The following WDR27 variants were observed in gnomAD, a reference collection of about 807,000 sequenced individuals.
WDR27 encodes WD repeat-containing protein 27.
Under a neutral mutation model 114.4 loss-of-function variants are expected in WDR27, and 100 were observed. The ratio of observed to expected loss-of-function variants is 0.87; its 90% confidence interval spans 0.74 to 1.03. The LOEUF (loss-of-function observed/expected upper bound fraction) is 1.03. Ranked by LOEUF, WDR27 falls within the 50% of genes least tolerant of loss-of-function variation. The pLI, the probability that WDR27 is intolerant of heterozygous loss-of-function variation, is 0.00. For synonymous variants in WDR27, 449 were observed against 423.1 expected, an observed-to-expected ratio of 1.06 and a Z score of -0.75; for missense variants, 1,129 against 1,092.9, an observed-to-expected ratio of 1.03 and a Z score of -0.47.
chr6:169,633,089 A>G, intron 20 of WDR27, 21 bp from the exon 21 acceptor site: 1 of 1,570,772 alleles, frequency 6.4e-7, no homozygotes, highest in Non-Finnish European at 8.7e-7. Context: ...CCAGTTAGGG[A>G]GCTCTTCTCA....
the WDR27 span, among the ~76,000 whole-genome samples, chr6:169,432,387 G>A: frequency 6.6e-6 from 1 of 152,184 alleles, no homozygotes; most frequent in Non-Finnish European, 1.5e-5. Flanking sequence ...GTTCACAGCT[G>A]ATAGGGTTTG....
chr6:169,635,974 T>G (rs1236062516), intron 19 of WDR27, among the ~76,000 whole-genome samples: 2 of 152,256 alleles, frequency 1.3e-5, no homozygotes, highest in Non-Finnish European at 2.9e-5. Context: ...AGTGAAATGT[T>G]AATACTTGTC....
chr6:169,649,725 A>G (rs1481285663), intron 14 of WDR27, among the ~76,000 whole-genome samples: 1 of 151,568 alleles, frequency 6.6e-6, no homozygotes, highest in Non-Finnish European at 1.5e-5. Flanking sequence ...TCACCCATCC[A>G]TTCACTCATC....
In WDR27 at chr6:169,662,548, C is replaced by T. The variant is rs6911006; in HGVS notation, c.905-124G>A. 2.4e-4 allele frequency: 302 copies of T among 1,278,224 alleles called. 2 individuals carry two copies. The African/African-American group carries it at 2.4e-3, about 10-fold the overall frequency. The allele number at this position is 1,278,224 out of a possible 1,614,324, so 79.2% of individuals were successfully genotyped here. A position where few individuals can be genotyped will look rare whatever the true frequency, so the allele number is the denominator to read the frequency against. On this transcript the variant is annotated intron_variant, in intron 8 of 25. Transcript: ENST00000448612. ...GCACCGTGGAGTCACTCGGATCACG[C>T]GTCGAGGAAAGCACTAAGGTAACAC...
At chr6:169,693,652 C>G (rs1238147459) in intron 1 of WDR27, among the ~76,000 whole-genome samples, 1 of 150,872 alleles carries the variant, frequency 6.6e-6, no homozygotes, top group African/African-American at 2.4e-5. Context: ...ATATTCCACA[C>G]AAATGGAAAC....
At chr6:169,534,100 T>C (rs79325961) in intron 25 of WDR27, among the ~76,000 whole-genome samples, 3,138 of 152,302 alleles carry the variant, frequency 0.021, 70 homozygotes, top group East Asian at 0.082. Flanking sequence ...AGTGTTTGTA[T>C]CACGGATGGT....
chr6:169,613,026 G>C (rs896906277), intron 22 of WDR27, among the ~76,000 whole-genome samples: 3 of 152,174 alleles, frequency 2.0e-5, no homozygotes, highest in African/African-American at 7.2e-5. Flanking sequence ...TAAAACTAAG[G>C]TGCTTTCTAA....
chr6:169,554,220 C>T (rs1272503365), intron 25 of WDR27, among the ~76,000 whole-genome samples: 1 of 152,316 alleles, frequency 6.6e-6, no homozygotes, highest in East Asian at 1.9e-4. Context: ...TCATGCCCAG[C>T]CCATGCTCCC....
At chr6:169,599,151 A>G (rs971302687) in intron 23 of WDR27, among the ~76,000 whole-genome samples, 4 of 77,674 alleles carry the variant, frequency 5.1e-5, no homozygotes, top group African/African-American at 2.0e-4. Flanking sequence ...CCCCCACACC[A>G]CAACAGGCCC....
chr6:169,512,006 T>C (rs549879704), intron 25 of WDR27, among the ~76,000 whole-genome samples: 8 of 152,328 alleles, frequency 5.3e-5, no homozygotes, highest in African/African-American at 1.7e-4. Flanking sequence ...TATCTGCAGA[T>C]GGCAGTGTAC....
chr6:169,508,629 T>C (rs1019276876), intron 25 of WDR27, among the ~76,000 whole-genome samples: 4 of 152,180 alleles, frequency 2.6e-5, no homozygotes, highest in African/African-American at 9.6e-5. Flanking sequence ...AAGACAAAGA[T>C]TCAGTACAAT....
chr6:169,698,040 C>T lies in WDR27; in HGVS notation c.-8+3511G>A, dbSNP rs146906731. On this transcript the variant is annotated intron_variant, in intron 1 of 25. Coordinates refer to ENST00000448612, the MANE Select transcript of WDR27 (RefSeq NM_182552.5). ...GCATAGTAAAGAAATAACACCATGA[C>T]TCACTAGTATGAAGAGTTCACAGAA... 2.9e-3 allele frequency among the ~76,000 whole-genome samples: 436 copies of T among 152,298 alleles called. 3 individuals are homozygous for T. The highest frequency in any genetic ancestry group is 0.01 in the African/African-American group (423 of 41,562).
chr6:169,672,163 A>C (rs1387541425), intron 3 of WDR27, 92 bp downstream of exon 3: 1 of 1,365,728 alleles, frequency 7.3e-7, no homozygotes, highest in Non-Finnish European at 1.0e-6. Context: ...CTGTTACCCA[A>C]GGGAAACACC....
intron 2 of WDR27, among the ~76,000 whole-genome samples, chr6:169,672,684 C>T (rs770639723): frequency 6.6e-6 from 1 of 152,120 alleles, no homozygotes; most frequent in Non-Finnish European, 1.5e-5. Context: ...AACATGTCTC[C>T]ACCACATGCC....
At chr6:169,506,982 T>C (rs1339740230) in intron 25 of WDR27, among the ~76,000 whole-genome samples, 1 of 152,254 alleles carries the variant, frequency 6.6e-6, no homozygotes, top group East Asian at 1.9e-4. Flanking sequence ...TGCATCTATA[T>C]AAGGATTAGA....
At chr6:169,577,086 G>GGAA (rs564438345) in intron 24 of WDR27, among the ~76,000 whole-genome samples, 4 of 144,538 alleles carry the variant, frequency 2.8e-5, no homozygotes, top group African/African-American at 1.0e-4. Context: ...AAAAGAAAAG[G>GGAA]AAAAAAAAAA....
intron 25 of WDR27, among the ~76,000 whole-genome samples, chr6:169,539,091 G>A (rs1244177062): frequency 1.3e-5 from 2 of 152,180 alleles, no homozygotes; most frequent in African/African-American, 4.8e-5. Flanking sequence ...ACAACTGGGT[G>A]GATGCACACT....
intron 25 of WDR27, among the ~76,000 whole-genome samples, chr6:169,494,337 A>G (rs1239726376): frequency 6.6e-6 from 1 of 152,062 alleles, no homozygotes; most frequent in East Asian, 1.9e-4. Flanking sequence ...GAGCTAGGAC[A>G]TTGGTGTTTT....
intron 2 of WDR27, among the ~76,000 whole-genome samples, chr6:169,677,169 G>A (rs189795798): frequency 5.8e-4 from 89 of 152,338 alleles, no homozygotes; most frequent in African/African-American, 2.0e-3. Flanking sequence ...GGAAACTTTG[G>A]AACTTCTTAG....
Sources: allele counts gnomAD v4.1 joint callset (sites outside exome capture counted in the v4.1 genomes callset), GRCh38; gene constraint gnomAD v4.1.1; transcripts MANE v1.5; gene names NCBI Gene and HGNC (gene_info 2026-07-23, HGNC 2026-07-21).